DOCK4: variants seen among roughly 807,000 people sequenced by gnomAD.
DOCK4 encodes the protein dedicator of cytokinesis 4.
A neutral mutation model predicts 268.1 loss-of-function variants in DOCK4; 97 were observed. The observed-to-expected ratio is 0.36, with a 90% CI of 0.31 to 0.43. The LOEUF (loss-of-function observed/expected upper bound fraction) is 0.43. Ranked by LOEUF, DOCK4 falls within the 20% of genes least tolerant of loss-of-function variation. The pLI, the probability that DOCK4 is intolerant of heterozygous loss-of-function variation, is 1.00. For missense variants in DOCK4, 2,145 were observed against 2,455.7 expected (o/e 0.87, Z 2.67); for synonymous variants, 954 against 887.2 (o/e 1.08, Z -1.34).
At chr7:111,979,504 A>C (rs752807698) in intron 7 of DOCK4, among the ~76,000 whole-genome samples, 26 of 150,840 alleles carry the variant, frequency 1.7e-4, no homozygotes, top group Non-Finnish European at 3.4e-4. Context: ...TACTGTGGCA[A>C]AAGTGGCATC....
chr7:111,942,445 A>G (rs1261607201), intron 10 of DOCK4, among the ~76,000 whole-genome samples: 2 of 152,186 alleles, frequency 1.3e-5, no homozygotes, highest in Non-Finnish European at 2.9e-5. Flanking sequence ...TCAGTATGTC[A>G]GCATGTTCAG....
intron 41 of DOCK4, 23 bp downstream of exon 41, chr7:111,758,601 A>G (rs1482376021): frequency 4.3e-6 from 7 of 1,612,380 alleles, no homozygotes; most frequent in African/African-American, 1.3e-5. Context: ...AGGAGTTAGC[A>G]TGTAATAAGA....
intron 1 of DOCK4, among the ~76,000 whole-genome samples, chr7:112,123,522 C>T (rs750649076): frequency 3.3e-5 from 5 of 152,194 alleles, no homozygotes; most frequent in Admixed American, 6.5e-5. Flanking sequence ...TTGCAGTTTA[C>T]ACCAGTCATT....
At chr7:112,095,229 T>C (rs1810013050) in intron 1 of DOCK4, among the ~76,000 whole-genome samples, 1 of 151,974 alleles carries the variant, frequency 6.6e-6, no homozygotes, top group African/African-American at 2.4e-5. Context: ...GACAATGAAA[T>C]TGAGTTGAGA....
chr7:111,925,930 CAATA>C (rs568583311), intron 12 of DOCK4, among the ~76,000 whole-genome samples: 4 of 148,318 alleles, frequency 2.7e-5, no homozygotes, highest in African/African-American at 1.0e-4. Flanking sequence ...TACTAAAATA[CAATA>C]AATAAATAAA....
At chr7:112,020,990 A>G (rs1288566772) in intron 1 of DOCK4, among the ~76,000 whole-genome samples, 1 of 152,190 alleles carries the variant, frequency 6.6e-6, no homozygotes, top group Non-Finnish European at 1.5e-5. Flanking sequence ...TGAAGGGTCA[A>G]CAACAACAGC....
At position 111,998,341 on chromosome 7, in the gene DOCK4, G is replaced by A. The variant is rs1466878772; in HGVS notation, c.218+107C>T. On this transcript the variant is annotated intron_variant, in intron 4 of 52. Transcript: ENST00000428084. ...TAACAAAGAACACAGACAATGGTAT[G>A]ATCTTCTACAGTTCATTTTTCAAGA... The A allele has an allele frequency of 8.2e-6, 7 of 856,494 alleles. 1 individual carries two copies. The African/African-American group carries it at 1.2e-4, about 15-fold the overall frequency. 53.1% of individuals were successfully genotyped at this position (856,494 alleles called of 1,614,324 possible).
At chr7:112,197,537 T>C (rs1820560658) in intron 1 of DOCK4, among the ~76,000 whole-genome samples, 2 of 152,218 alleles carry the variant, frequency 1.3e-5, no homozygotes, top group Non-Finnish European at 2.9e-5. Context: ...AACTAATGCC[T>C]TAGCTAGGCA....
intron 1 of DOCK4, among the ~76,000 whole-genome samples, chr7:112,011,201 C>T (rs1259836546): frequency 1.3e-5 from 2 of 152,216 alleles, no homozygotes; most frequent in South Asian, 2.1e-4. Context: ...TGTCACTAGG[C>T]CTGCATCACA....
At chr7:112,069,487 C>T (rs1485749549) in intron 1 of DOCK4, among the ~76,000 whole-genome samples, 1 of 152,178 alleles carries the variant, frequency 6.6e-6, no homozygotes, top group East Asian at 1.9e-4. Context: ...TTAGAGAAAA[C>T]TGGCTAAAAC....
intron 25 of DOCK4, among the ~76,000 whole-genome samples, chr7:111,844,450 GGAT>G (rs1333328294): frequency 6.6e-6 from 1 of 152,136 alleles, no homozygotes; most frequent in Admixed American, 6.5e-5. Flanking sequence ...GCAATTTGAT[GGAT>G]GATAAGAGAA....
chr7:111,769,403 T>C (rs904408366), intron 37 of DOCK4, 126 bp downstream of exon 37: 2 of 1,207,534 alleles, frequency 1.7e-6, no homozygotes, highest in Middle Eastern at 2.9e-4. Flanking sequence ...TGGGTGTTTC[T>C]AATATACATT....
chr7:112,201,024 T>C (rs1191530237), intron 1 of DOCK4, among the ~76,000 whole-genome samples: 1 of 152,202 alleles, frequency 6.6e-6, no homozygotes. Context: ...AACATTATTA[T>C]TTAGCTTTAC....
At chr7:112,065,222 T>C (rs942090655) in intron 1 of DOCK4, among the ~76,000 whole-genome samples, 1 of 152,058 alleles carries the variant, frequency 6.6e-6, no homozygotes, top group Non-Finnish European at 1.5e-5. Flanking sequence ...GACTCACTGC[T>C]ACCTCAATCC....
chr7:111,933,032 T>C (rs1707384878), intron 12 of DOCK4, among the ~76,000 whole-genome samples: 1 of 150,396 alleles, frequency 6.6e-6, no homozygotes, highest in Admixed American at 6.7e-5. Flanking sequence ...AACCATTTTA[T>C]CCATGGACAA....
At position 111,994,230 on chromosome 7, in the gene DOCK4, G is replaced by T; in HGVS notation, c.220C>A (p.Gln74Lys). The T allele has an allele frequency of 1.9e-6, 3 of 1,569,916 alleles. No homozygotes were observed. Among genetic ancestry groups the T allele is most frequent in the Non-Finnish European group, 1.7e-6 (2 of 1,153,862 alleles). The change falls in exon 5 of 53, where the codon CAA becomes AAA. Residue 74 changes from glutamine to lysine, a missense_variant and splice_region_variant. Transcript: ENST00000428084. Reference sequence around the variant, plus strand: ...TCAGTGGGAATAACCATTTCAAATTGTCTGTGAAATTAAAAAAGAAAAAGT... The same window carrying T: ...TCAGTGGGAATAACCATTTCAAATTTTCTGTGAAATTAAAAAAGAAAAAGT... Reference protein sequence around the residue: ...LKNACVKNKGQFEMVIPTEDS... With the variant: ...LKNACVKNKGKFEMVIPTEDS...
intron 1 of DOCK4, among the ~76,000 whole-genome samples, chr7:112,193,209 T>C (rs1482862731): frequency 6.6e-6 from 1 of 152,204 alleles, no homozygotes; most frequent in African/African-American, 2.4e-5. Context: ...CCCAAAGTGA[T>C]GTGACAACTC....
chr7:112,188,708 G>T (rs1050513100), intron 1 of DOCK4, among the ~76,000 whole-genome samples: 1 of 152,156 alleles, frequency 6.6e-6, no homozygotes, highest in Non-Finnish European at 1.5e-5. Flanking sequence ...TTCAAACCTT[G>T]TTGTAACAGA....
At chr7:112,122,664 G>A (rs1367395176) in intron 1 of DOCK4, among the ~76,000 whole-genome samples, 1 of 152,164 alleles carries the variant, frequency 6.6e-6, no homozygotes, top group African/African-American at 2.4e-5. Context: ...CATTTATTGA[G>A]AGGATGATAT....
Sources: allele counts gnomAD v4.1 joint callset (sites outside exome capture counted in the v4.1 genomes callset), GRCh38; gene constraint gnomAD v4.1.1; transcripts MANE v1.5; gene names NCBI Gene and HGNC (gene_info 2026-07-23, HGNC 2026-07-21).